SUGP1: variants seen among roughly 807,000 people sequenced by gnomAD.
SUGP1 encodes SURP and G-patch domain-containing protein 1.
A neutral mutation model predicts 76.5 loss-of-function variants in SUGP1; 34 were observed. The ratio of observed to expected loss-of-function variants is 0.44; its 90% CI spans 0.34 to 0.59. The LOEUF is 0.59. Among genes scored for constraint, SUGP1 ranks in the 20% least tolerant of loss-of-function variants. The pLI, the probability that SUGP1 is intolerant of heterozygous loss-of-function variation, is 0.01. For missense variants in SUGP1, 752 were observed against 851.7 expected, an observed-to-expected ratio of 0.88 and a Z score of 1.46; for synonymous variants, 326 against 326.2, an observed-to-expected ratio of 1.00 and a Z score of 0.01.
At chr19:19,318,007 C>T (rs1011510796) in intron 1 of SUGP1, among the ~76,000 whole-genome samples, 5 of 150,116 alleles carry the variant, frequency 3.3e-5, no homozygotes, top group Admixed American at 2.0e-4. Flanking sequence ...GTTAGGATTT[C>T]GCCATGTTGT....
Position 19,310,126 on chromosome 19 carries a change from A to T in SUGP1, c.281T>A (p.Leu94Gln). Residue 94 changes from leucine (L) to glutamine (Q), a missense_variant, in exon 3 of 14, where the codon CTG becomes CAG. Coordinates refer to ENST00000247001, the MANE Select transcript of SUGP1 (RefSeq NM_172231.4). ...ANDGSFLQQFLKLQKAQTSTD... is the reference protein window; with the variant it reads ...ANDGSFLQQFQKLQKAQTSTD... ...GCTGGTCTGTGCCTTCTGCAACTTC[A>T]GAAACTGCTGCAAGAAGCTACCATC... 1 of 1,613,656 alleles carries T rather than the reference A, an allele frequency of 6.2e-7. No individual in the cohort carries two copies. Among genetic ancestry groups the T allele is most frequent in the Non-Finnish European group, 8.5e-7 (1 of 1,179,658 alleles).
At chr19:19,309,956 GT>G in intron 3 of SUGP1, 140 bp downstream of exon 3, 1 of 540,718 alleles carries the variant, frequency 1.8e-6, no homozygotes. Context: ...TATGCCTTTG[GT>G]GCACGCATGG....
At chr19:19,308,567 C>T (rs930312116) in intron 3 of SUGP1, among the ~76,000 whole-genome samples, 13 of 152,248 alleles carry the variant, frequency 8.5e-5, no homozygotes, top group African/African-American at 2.9e-4. Context: ...CCCCCAGCTG[C>T]GTGCCCACCC....
chr19:19,279,420 G>A (rs1156816960), intron 9 of SUGP1, 30 bp from the exon 10 acceptor site: 1 of 1,567,804 alleles, frequency 6.4e-7, no homozygotes, highest in Admixed American at 1.7e-5. Flanking sequence ...GTGAGCCAGG[G>A]CACGGTGCTG....
intron 5 of SUGP1, 102 bp from the exon 6 acceptor site, chr19:19,303,550 G>A: frequency 2.9e-6 from 4 of 1,360,392 alleles, no homozygotes; most frequent in Non-Finnish European, 4.2e-6. Context: ...CTGGCGAGCA[G>A]GGACCCGAAA....
intron 6 of SUGP1, 71 bp from the exon 7 acceptor site, chr19:19,302,459 A>G: frequency 1.3e-6 from 2 of 1,569,838 alleles, no homozygotes; most frequent in South Asian, 1.2e-5. Context: ...AAGAACCCCA[A>G]GGGCAACAAG....
intron 1 of SUGP1, among the ~76,000 whole-genome samples, chr19:19,318,552 C>A (rs1347234445): frequency 6.6e-6 from 1 of 152,076 alleles, no homozygotes; most frequent in East Asian, 1.9e-4. Context: ...CCTCAGCCAC[C>A]CGAGTGGCTA....
At chr19:19,298,831 C>T (rs977769124) in intron 7 of SUGP1, among the ~76,000 whole-genome samples, 3 of 152,262 alleles carry the variant, frequency 2.0e-5, no homozygotes, top group South Asian at 2.1e-4. Flanking sequence ...GAGCAGGCAT[C>T]GGGGTGTGGG....
At chr19:19,276,743 A>C (rs905355528) in intron 13 of SUGP1, 69 bp from the exon 14 acceptor site, 7 of 1,609,506 alleles carry the variant, frequency 4.3e-6, no homozygotes, top group Middle Eastern at 1.7e-4. Flanking sequence ...TCCTGTCTGG[A>C]ACCTTCCGGA....
In SUGP1 at chr19:19,310,291, C is replaced by G. The variant is rs368695369; in HGVS notation, c.207-91G>C. The G allele has an allele frequency of 4.1e-6, 4 of 976,236 alleles. No homozygotes were observed. The South Asian group carries it at 5.3e-5, about 13-fold the overall frequency. The allele number at this position is 976,236 out of a possible 1,614,324, so 60.5% of individuals were successfully genotyped here. The stretch of plus-strand genomic sequence containing the variant: ...GAGGATGAGGATGAGGCCATCACCT[C>G]GTCCATCATGGCCCCTAACTCACCC... On this transcript the variant is annotated intron_variant, in intron 2 of 13. Transcript: ENST00000247001.
At chr19:19,290,709 T>C (rs775472826) in intron 8 of SUGP1, among the ~76,000 whole-genome samples, 9 of 152,226 alleles carry the variant, frequency 5.9e-5, no homozygotes, top group Admixed American at 1.3e-4. Context: ...TATTTTTATT[T>C]TTAAGGAAAA....
chr19:19,295,605 CAAAAAA>C (rs55921805), intron 8 of SUGP1, among the ~76,000 whole-genome samples: 1 of 66,808 alleles, frequency 1.5e-5, no homozygotes. Context: ...GACTCCTTCT[CAAAAAA>C]AAAAAAAAAA....
intron 8 of SUGP1, among the ~76,000 whole-genome samples, chr19:19,283,892 T>C (rs2061119776): frequency 6.6e-6 from 1 of 152,238 alleles, no homozygotes; most frequent in Admixed American, 6.5e-5. Context: ...GCAGATTAAA[T>C]CTTAACTGCA....
intron 8 of SUGP1, among the ~76,000 whole-genome samples, chr19:19,290,239 C>T (rs747455480): frequency 3.3e-5 from 5 of 151,982 alleles, no homozygotes; most frequent in Non-Finnish European, 5.9e-5. Flanking sequence ...AAAGTTCTTG[C>T]GGGCAAGGAG....
At chr19:19,280,134 C>T in intron 9 of SUGP1, 51 bp downstream of exon 9, 2 of 1,561,894 alleles carry the variant, frequency 1.3e-6, no homozygotes, top group Non-Finnish European at 1.8e-6. Flanking sequence ...TAGAGGACAA[C>T]ACTCTATGGG....
rs1023802074 is a variant in SUGP1, at chr19:19,302,406, G to T, written c.764-18C>A. 28 of 1,612,630 alleles carry T rather than the reference G, an allele frequency of 1.7e-5. No individual in the cohort carries two copies. The highest frequency in any genetic ancestry group is 2.3e-5 in the Non-Finnish European group (27 of 1,179,024). ...GGGTGAAACTTTAAGCAGGCTGTCA[G>T]TACTGGGCTCAACTCACCACACCCA... On this transcript the variant is annotated intron_variant, in intron 6 of 13. Coordinates refer to ENST00000247001, the MANE Select transcript of SUGP1 (RefSeq NM_172231.4).
intron 8 of SUGP1, among the ~76,000 whole-genome samples, chr19:19,283,629 TA>T (rs2061117359): frequency 6.6e-6 from 1 of 152,242 alleles, no homozygotes; most frequent in African/African-American, 2.4e-5. Context: ...CTAATTTTTG[TA>T]TTTTTAGTAG....
chr19:19,317,984 T>A (rs1448070705), intron 1 of SUGP1, among the ~76,000 whole-genome samples: 1 of 150,722 alleles, frequency 6.6e-6, no homozygotes, highest in Non-Finnish European at 1.5e-5. Context: ...CTAATTTTTA[T>A]ATTTTTAGTA....
At chr19:19,300,944 C>T (rs573365558) in intron 7 of SUGP1, among the ~76,000 whole-genome samples, 12 of 152,192 alleles carry the variant, frequency 7.9e-5, no homozygotes, top group African/African-American at 2.2e-4. Context: ...GCAGAGCCAC[C>T]GGGCTCTGGG....
Sources: gnomAD v4.1 joint callset for allele counts (sites outside exome capture counted in the v4.1 genomes callset) on GRCh38, gnomAD v4.1.1 for gene constraint, MANE v1.5 for transcripts, NCBI Gene and HGNC (gene_info 2026-07-23, HGNC 2026-07-21) for gene names.